LPIN1: variants seen among roughly 807,000 people sequenced by gnomAD.
The protein encoded by LPIN1 is lipin 1, also known as phosphatidate phosphatase LPIN1.
LPIN1 carries 71 observed loss-of-function variants against 107.5 expected under a neutral mutation model. That is an observed-to-expected ratio of 0.66 (90% CI 0.55 to 0.80). The LOEUF is 0.80. LPIN1 is among the 30% of genes least tolerant of loss of function. LPIN1 has a pLI of 0.00. For synonymous variants in LPIN1, 445 were observed against 452.6 expected (o/e 0.98, Z 0.21); for missense variants, 1,043 against 1,160.6 (o/e 0.90, Z 1.47).
intron 1 of LPIN1, among the ~76,000 whole-genome samples, chr2:11,761,039 C>A (rs376556254): frequency 6.6e-6 from 1 of 152,176 alleles, no homozygotes; most frequent in Non-Finnish European, 1.5e-5. Flanking sequence ...ATCTTCATTG[C>A]ACTTTGGCTG....
intron 1 of LPIN1, among the ~76,000 whole-genome samples, chr2:11,748,624 T>C (rs1667321610): frequency 6.6e-6 from 1 of 152,234 alleles, no homozygotes; most frequent in South Asian, 2.1e-4. Flanking sequence ...CAGTCCTGGC[T>C]GACGCCGGCC....
chr2:11,782,933 T>G (rs1352593837), intron 8 of LPIN1, among the ~76,000 whole-genome samples: 1 of 152,210 alleles, frequency 6.6e-6, no homozygotes, highest in Non-Finnish European at 1.5e-5. Flanking sequence ...ATCATTATTT[T>G]ATTGATTTAT....
At chr2:11,807,782 G>A (rs1253096136) in intron 17 of LPIN1, among the ~76,000 whole-genome samples, 2 of 152,250 alleles carry the variant, frequency 1.3e-5, no homozygotes, top group Admixed American at 1.3e-4. Context: ...TTGCAGGATG[G>A]CCAGGGCTTC....
At chr2:11,775,928 C>CT (rs1385177241) in intron 5 of LPIN1, among the ~76,000 whole-genome samples, 158 bp from the exon 6 acceptor site, 9 of 145,386 alleles carry the variant, frequency 6.2e-5, no homozygotes, top group African/African-American at 2.3e-4. Context: ...TTTATATAAT[C>CT]TTATATATAG....
intron 1 of LPIN1, among the ~76,000 whole-genome samples, chr2:11,698,373 A>G (rs1662693203): frequency 6.6e-6 from 1 of 152,276 alleles, no homozygotes; most frequent in African/African-American, 2.4e-5. Flanking sequence ...CTTTAGAGTC[A>G]AGGCTTCTGT....
chr2:11,764,039 A>G (rs2148615282), intron 1 of LPIN1, among the ~76,000 whole-genome samples: 1 of 140,592 alleles, frequency 7.1e-6, no homozygotes, highest in Non-Finnish European at 1.5e-5. Context: ...AGCCAGAGCA[A>G]GATCCTATCT....
rs1460176376 is a variant in LPIN1, at chr2:11,765,239, G to A, written c.-9-294G>A. 5.9e-5 allele frequency among the ~76,000 whole-genome samples: 9 copies of A among 151,896 alleles called. No individual in the cohort carries two copies. Among genetic ancestry groups the A allele is most frequent in the Non-Finnish European group, 1.3e-4 (9 of 67,962 alleles). ...GATGGACACTGATGGGCCATGATGG[G>A]CCCTGATGGACCCTGATGGACCCTG... On this transcript the variant is annotated intron_variant, in intron 1 of 20. Coordinates refer to ENST00000674199, the MANE Select transcript of LPIN1 (RefSeq NM_001349206.2). This position sits in a 1 kb window ranked among gnomAD's most constrained non-coding sequence, Gnocchi z 4.4.
chr2:11,695,800 T>C (rs1267202594), intron 1 of LPIN1, among the ~76,000 whole-genome samples: 1 of 152,180 alleles, frequency 6.6e-6, no homozygotes, highest in East Asian at 1.9e-4. Flanking sequence ...GGTTTTGGTT[T>C]GGTGAGTGGA....
At chr2:11,700,519 C>T (rs954950525) in intron 1 of LPIN1, among the ~76,000 whole-genome samples, 11 of 152,118 alleles carry the variant, frequency 7.2e-5, no homozygotes, top group Admixed American at 6.5e-5. Flanking sequence ...CTCTCTCTCC[C>T]TCTCCCACTC....
intron 1 of LPIN1, among the ~76,000 whole-genome samples, chr2:11,747,579 G>GT (rs1167322298): frequency 2.0e-5 from 3 of 152,226 alleles, no homozygotes; most frequent in African/African-American, 2.4e-5. Context: ...GCTTGTAGCC[G>GT]TTTTTTTAAT....
intron 4 of LPIN1, among the ~76,000 whole-genome samples, chr2:11,772,455 G>A (rs925585769): frequency 6.6e-6 from 1 of 152,190 alleles, no homozygotes; most frequent in African/African-American, 2.4e-5. Flanking sequence ...CAAATTAATA[G>A]TTCATGACCA....
At chr2:11,775,841 C>T (rs913522685) in intron 5 of LPIN1, among the ~76,000 whole-genome samples, 5 of 147,388 alleles carry the variant, frequency 3.4e-5, no homozygotes, top group African/African-American at 1.2e-4. Flanking sequence ...TATATATAAT[C>T]TTTATATAAA....
intron 3 of LPIN1, 114 bp downstream of exon 3, chr2:11,767,972 G>C: frequency 2.6e-6 from 2 of 755,090 alleles, no homozygotes; most frequent in South Asian, 1.4e-5. Context: ...CTGTGTGGAC[G>C]ATGGGGCAGA....
chr2:11,799,472 C>T (rs1182786049), intron 14 of LPIN1, among the ~76,000 whole-genome samples: 1 of 151,636 alleles, frequency 6.6e-6, no homozygotes, highest in African/African-American at 2.4e-5. Context: ...CTGCACCACC[C>T]TCCCCTCCCC....
At chr2:11,784,823 G>A (rs1467678406) in intron 9 of LPIN1, 63 bp from the exon 10 acceptor site, 1 of 1,514,540 alleles carries the variant, frequency 6.6e-7, no homozygotes, top group Admixed American at 1.7e-5. Flanking sequence ...TCACTGGATG[G>A]TGATGTAGGA....
At chr2:11,759,469 G>C (rs1335006919) in intron 1 of LPIN1, among the ~76,000 whole-genome samples, 1 of 152,152 alleles carries the variant, frequency 6.6e-6, no homozygotes, top group African/African-American at 2.4e-5. Flanking sequence ...AGTGGACACA[G>C]CACATGTTTC....
At chr2:11,800,784 T>C (rs1284988856) in intron 14 of LPIN1, among the ~76,000 whole-genome samples, 4 of 152,318 alleles carry the variant, frequency 2.6e-5, no homozygotes, top group Middle Eastern at 6.8e-3. Flanking sequence ...ACAATCCTGG[T>C]ACTTCTTCTC....
chr2:11,753,207 G>GGCTTTGGTA (rs897344943), intron 1 of LPIN1, among the ~76,000 whole-genome samples: 3 of 48,326 alleles, frequency 6.2e-5, no homozygotes, highest in African/African-American at 5.3e-4. Flanking sequence ...ACACAGGCAG[G>GGCTTTGGTA]GCTTTGGTGG....
chr2:11,725,504 G>A (rs186417865), intron 1 of LPIN1, among the ~76,000 whole-genome samples: 55 of 152,264 alleles, frequency 3.6e-4, no homozygotes, highest in African/African-American at 1.1e-3. Flanking sequence ...GGAAGTAGGC[G>A]ACATCTGTCT....
Sources: allele counts gnomAD v4.1 joint callset (sites outside exome capture counted in the v4.1 genomes callset), GRCh38; gene constraint gnomAD v4.1.1; non-coding constraint Gnocchi (gnomAD v3.1); transcripts MANE v1.5; gene names NCBI Gene and HGNC (gene_info 2026-07-23, HGNC 2026-07-21).